Variants in PVT1 observed in about 807,000 individuals in gnomAD.
The protein encoded by PVT1 is CXCR4/PVT1 fusion.
intron 3 of PVT1, among the ~76,000 whole-genome samples, chr8:127,977,684 G>A (rs576994928): frequency 3.0e-4 from 45 of 152,162 alleles, no homozygotes; most frequent in African/African-American, 8.4e-4. Flanking sequence ...TCAGTGAGCC[G>A]AGATCATGCC....
chr8:127,847,000 T>TTTG (rs1247385802), intron 2 of PVT1, among the ~76,000 whole-genome samples: 7 of 108,028 alleles, frequency 6.5e-5, no homozygotes, highest in South Asian at 3.0e-4. Context: ...TTTTTTTTTT[T>TTTG]TTGTTGTTGT....
chr8:127,906,750 C>T (rs17775610), intron 3 of PVT1, among the ~76,000 whole-genome samples: 6,740 of 152,146 alleles, frequency 0.044, 213 homozygotes, highest in Non-Finnish European at 0.063. Context: ...AATGTGCAGG[C>T]GTTAATGTCA....
At chr8:127,839,569 A>T (rs534510622) in intron 2 of PVT1, among the ~76,000 whole-genome samples, 84 of 150,826 alleles carry the variant, frequency 5.6e-4, no homozygotes, top group African/African-American at 1.8e-3. Context: ...AAATAAAAAA[A>T]AAATGAAAAA....
At chr8:127,877,108 T>A (rs963061760) in intron 2 of PVT1, among the ~76,000 whole-genome samples, 2 of 152,176 alleles carry the variant, frequency 1.3e-5, no homozygotes, top group Non-Finnish European at 2.9e-5. Context: ...GTGGAAAGTT[T>A]CCTCTCGCCG....
chr8:128,039,341 G>A (rs1813504898), intron 4 of PVT1, among the ~76,000 whole-genome samples: 1 of 152,188 alleles, frequency 6.6e-6, no homozygotes, highest in Admixed American at 6.5e-5. Context: ...CACACCAGCT[G>A]GTTGGGGAAT....
intron 4 of PVT1, among the ~76,000 whole-genome samples, chr8:128,005,550 G>A (rs776977496): frequency 2.6e-4 from 40 of 152,154 alleles, no homozygotes; most frequent in Non-Finnish European, 4.3e-4. Flanking sequence ...TCTGCTGACT[G>A]CAGTGTGTCC....
At chr8:127,950,896 G>GTCTTT (rs1187994344) in intron 3 of PVT1, among the ~76,000 whole-genome samples, 1 of 152,306 alleles carries the variant, frequency 6.6e-6, no homozygotes, top group Admixed American at 6.5e-5. Flanking sequence ...GCAAGCCACT[G>GTCTTT]TCTTTTCTTT....
rs61425056 is a variant in PVT1, at chr8:127,949,379, C to CTGTGTGTGTGTGTGTGTGTGTG, written n.783-39759_783-39738dup. Among the ~76,000 whole-genome samples, 136 of 111,314 alleles carry CTGTGTGTGTGTGTGTGTGTGTG rather than the reference C, an allele frequency of 1.2e-3. 7 individuals are homozygous for CTGTGTGTGTGTGTGTGTGTGTG. The highest frequency in any genetic ancestry group is 4.0e-3 in the East Asian group (13 of 3,284). 73.0% of individuals were successfully genotyped at this position (111,314 alleles called of 152,430 possible). On this transcript the variant is annotated intron_variant and non_coding_transcript_variant, in intron 3 of 10. Transcript: ENST00000651587. ...GTTTGGAATGTTTGAACTCCAGGAGCTGTGTGTGTGTGTGTGTGTGTGTGT... is the reference window on the plus strand; with the variant it reads ...GTTTGGAATGTTTGAACTCCAGGAGCTGTGTGTGTGTGTGTGTGTGTGTGTGTGTGTGTGTGTGTGTGTGTGT...
At chr8:127,980,171 T>A (rs1164749358) in intron 3 of PVT1, among the ~76,000 whole-genome samples, 1 of 152,196 alleles carries the variant, frequency 6.6e-6, no homozygotes, top group East Asian at 1.9e-4. Context: ...TGTGAACCAC[T>A]GTGCCTGGCC....
chr8:127,886,256 T>A (rs1206865468), intron 2 of PVT1, among the ~76,000 whole-genome samples: 1 of 152,200 alleles, frequency 6.6e-6, no homozygotes, highest in Non-Finnish European at 1.5e-5. Flanking sequence ...TTTTTTCAAA[T>A]GTTGGTTTTC....
At chr8:127,880,686 C>T (rs1244475224) in intron 2 of PVT1, among the ~76,000 whole-genome samples, 1 of 151,368 alleles carries the variant, frequency 6.6e-6, no homozygotes, top group Non-Finnish European at 1.5e-5. Flanking sequence ...TTGCAACTTC[C>T]GCCTGCTGGG....
At chr8:127,809,772 A>G (rs966005851) in intron 2 of PVT1, among the ~76,000 whole-genome samples, 2 of 152,128 alleles carry the variant, frequency 1.3e-5, no homozygotes, top group Non-Finnish European at 2.9e-5. Context: ...ATTTATTGTG[A>G]CTGAGTTTGT....
intron 4 of PVT1, among the ~76,000 whole-genome samples, chr8:128,026,588 C>T (rs1813292267): frequency 6.6e-6 from 1 of 152,116 alleles, no homozygotes; most frequent in South Asian, 2.1e-4. Context: ...CTCTGCATGC[C>T]ACATTGGCTT....
In PVT1 at chr8:127,936,352, G is replaced by T. The variant is rs55912407; in HGVS notation, n.782+45354G>T. ...TAGGCGTGAGCCACCCCACCTGGTC[G>T]ACAGTGTCTTCTCTAAGCAGAACTG... On this transcript the variant is annotated intron_variant and non_coding_transcript_variant, in intron 3 of 10. Transcript: ENST00000651587. Among the ~76,000 whole-genome samples, 4 of 152,122 alleles carry T rather than the reference G, an allele frequency of 2.6e-5. No homozygotes were observed. The East Asian group carries it at 7.8e-4, about 30-fold the overall frequency.
At chr8:127,815,451 G>A (rs1224005068) in intron 2 of PVT1, among the ~76,000 whole-genome samples, 1 of 152,360 alleles carries the variant, frequency 6.6e-6, no homozygotes, top group Middle Eastern at 3.4e-3. Context: ...AAGTGGCAGA[G>A]CCTGGATCTT....
chr8:127,805,254 A>C (rs1438915198), intron 2 of PVT1, among the ~76,000 whole-genome samples: 1 of 151,690 alleles, frequency 6.6e-6, no homozygotes, highest in East Asian at 1.9e-4. Context: ...TATTGGGTAG[A>C]TATTTCTGTT....
At chr8:127,993,616 C>T (rs1392444038) in intron 4 of PVT1, among the ~76,000 whole-genome samples, 1 of 152,220 alleles carries the variant, frequency 6.6e-6, no homozygotes, top group Non-Finnish European at 1.5e-5. Flanking sequence ...CAGCTTTTGG[C>T]ATTTTGACAG....
intron 2 of PVT1, among the ~76,000 whole-genome samples, chr8:127,878,215 T>A (rs1382678006): frequency 6.6e-6 from 1 of 152,060 alleles, no homozygotes; most frequent in Non-Finnish European, 1.5e-5. Flanking sequence ...TGAAGGTCTG[T>A]CACTTGGAGA....
intron 3 of PVT1, among the ~76,000 whole-genome samples, chr8:127,931,909 C>T (rs1000678159): frequency 2.0e-5 from 3 of 152,264 alleles, no homozygotes; most frequent in Non-Finnish European, 4.4e-5. Flanking sequence ...GGCTGGTCCC[C>T]AGACAATGCC....
Sources: gnomAD v4.1 joint callset for allele counts (sites outside exome capture counted in the v4.1 genomes callset) on GRCh38, gnomAD v4.1.1 for gene constraint, MANE v1.5 for transcripts, NCBI Gene and HGNC (gene_info 2026-07-23, HGNC 2026-07-21) for gene names.